Variants in SH3PXD2B observed in about 807,000 individuals in gnomAD.
SH3PXD2B encodes SH3 and PX domains 2B.
SH3PXD2B carries 37 observed loss-of-function variants against 73.1 expected under a neutral mutation model. The ratio of observed to expected loss-of-function variants is 0.51; its 90% CI spans 0.39 to 0.67. The LOEUF (loss-of-function observed/expected upper bound fraction) is 0.67. Among genes scored for constraint, SH3PXD2B ranks in the 30% least tolerant of loss-of-function variants. SH3PXD2B has a pLI of 0.00. For missense variants in SH3PXD2B, 1,053 were observed against 1,197.8 expected (o/e 0.88, Z 1.78); for synonymous variants, 457 against 480.5 (o/e 0.95, Z 0.64).
At chr5:172,362,138 A>C (rs940870976) in intron 7 of SH3PXD2B, among the ~76,000 whole-genome samples, 1 of 152,218 alleles carries the variant, frequency 6.6e-6, no homozygotes, top group African/African-American at 2.4e-5. Flanking sequence ...TATCTCACTT[A>C]ATCTTTACAA....
At chr5:172,326,886 T>C (rs1197703236) in intron 12 of SH3PXD2B, among the ~76,000 whole-genome samples, 1 of 146,102 alleles carries the variant, frequency 6.8e-6, no homozygotes, top group Non-Finnish European at 1.5e-5. Flanking sequence ...CGACAGAGTC[T>C]CACTCTGTCG....
downstream of SH3PXD2B, among the ~76,000 whole-genome samples, chr5:172,329,832 C>T (rs865968383): frequency 2.0e-5 from 3 of 152,000 alleles, no homozygotes; most frequent in Admixed American, 6.6e-5. Context: ...CCACTGTGCC[C>T]GGCCAGCCTC....
At chr5:172,377,110 C>T (rs1288843467) in intron 5 of SH3PXD2B, among the ~76,000 whole-genome samples, 1 of 152,216 alleles carries the variant, frequency 6.6e-6, no homozygotes, top group Non-Finnish European at 1.5e-5. Flanking sequence ...TCCACTGTCC[C>T]AGCCAGAGCA....
At chr5:172,416,696 C>CTTTTTTTTT (rs202242720) in intron 2 of SH3PXD2B, among the ~76,000 whole-genome samples, 3 of 62,250 alleles carry the variant, frequency 4.8e-5, no homozygotes, top group Non-Finnish European at 9.2e-5. Context: ...CTCTCTCTCT[C>CTTTTTTTTT]TTTTTTTTTT....
At chr5:172,414,781 T>G (rs973950612) in intron 2 of SH3PXD2B, among the ~76,000 whole-genome samples, 1 of 152,208 alleles carries the variant, frequency 6.6e-6, no homozygotes, top group Non-Finnish European at 1.5e-5. Context: ...CGAGGGCTCC[T>G]TCACGGGCAG....
chr5:172,438,119 T>C (rs1406835861), intron 1 of SH3PXD2B, among the ~76,000 whole-genome samples: 1 of 152,140 alleles, frequency 6.6e-6, no homozygotes, highest in Admixed American at 6.5e-5. Context: ...TGGCTTTCTC[T>C]TGCCTCCAGG....
At chr5:172,370,220 G>A (rs1344476738) in intron 6 of SH3PXD2B, among the ~76,000 whole-genome samples, 1 of 152,098 alleles carries the variant, frequency 6.6e-6, no homozygotes, top group Admixed American at 6.5e-5. Context: ...TTGACTATAA[G>A]TAGAAAGAAG....
At chr5:172,454,167 GGGA>G in intron 1 of SH3PXD2B, 108 bp downstream of exon 1, 1 of 780,766 alleles carries the variant, frequency 1.3e-6, no homozygotes, top group African/African-American at 1.8e-5. Flanking sequence ...GGGAGAGCAG[GGGA>G]GGAGGGGACG....
intron 2 of SH3PXD2B, among the ~76,000 whole-genome samples, chr5:172,407,668 C>T (rs1321186779): frequency 6.6e-6 from 1 of 152,168 alleles, no homozygotes; most frequent in Non-Finnish European, 1.5e-5. Flanking sequence ...GAGATCTGTC[C>T]CTCTCATGGA....
At chr5:172,429,212 C>A (rs1241404746) in intron 1 of SH3PXD2B, among the ~76,000 whole-genome samples, 3 of 152,164 alleles carry the variant, frequency 2.0e-5, no homozygotes, top group African/African-American at 7.2e-5. Flanking sequence ...CCTTGGCAGG[C>A]CTTTGGTCTG....
In SH3PXD2B at chr5:172,339,708, G is replaced by A. The variant is rs530268917; in HGVS notation, c.1397C>T (p.Pro466Leu). The change falls in exon 13 of 13, where the codon CCC becomes CTC. Residue 466 changes from proline (P) to leucine (L), a missense_variant. Around this residue, in one of 2 missense-constraint regions of SH3PXD2B, gnomAD observed 587 missense variants for 590.7 expected, o/e 0.99. Transcript: ENST00000311601. This position sits in a 1 kb window ranked among gnomAD's most constrained non-coding sequence, Gnocchi z 6.1. ...ENNTGSEATG[P>L]SRPLPDAPHG... ...CGGTGCGTCAGGCAGGGGCCGGGAG[G>A]GGCCCGTGGCTTCGCTGCCCGTGTT... 5.0e-6 allele frequency: 8 copies of A among 1,614,222 alleles called. No homozygotes were observed. The South Asian group carries it at 7.7e-5, about 16-fold the overall frequency.
chr5:172,425,187 T>C (rs1161056514), intron 1 of SH3PXD2B, among the ~76,000 whole-genome samples: 1 of 152,128 alleles, frequency 6.6e-6, no homozygotes, highest in Non-Finnish European at 1.5e-5. Flanking sequence ...GACTCCAGCA[T>C]GGAGATTTTG....
At chr5:172,374,827 A>G (rs902760874) in intron 5 of SH3PXD2B, among the ~76,000 whole-genome samples, 12 of 152,202 alleles carry the variant, frequency 7.9e-5, no homozygotes, top group African/African-American at 2.9e-4. Context: ...ATTAGCTAAT[A>G]TTATTAAATG....
intron 2 of SH3PXD2B, among the ~76,000 whole-genome samples, chr5:172,414,018 C>G (rs1048301765): frequency 6.6e-6 from 1 of 152,198 alleles, no homozygotes; most frequent in Non-Finnish European, 1.5e-5. Flanking sequence ...TCTGCCATCC[C>G]CTAGACCTGT....
intron 4 of SH3PXD2B, among the ~76,000 whole-genome samples, chr5:172,392,028 T>A (rs1758202154): frequency 6.6e-6 from 1 of 151,906 alleles, no homozygotes; most frequent in Non-Finnish European, 1.5e-5. Flanking sequence ...CATTTTGAGA[T>A]AAGGGTCTAA....
intron 4 of SH3PXD2B, 59 bp downstream of exon 4, chr5:172,394,504 A>G (rs1386810941): frequency 6.4e-7 from 1 of 1,571,088 alleles, no homozygotes; most frequent in African/African-American, 1.3e-5. Flanking sequence ...TAGCCAGAAA[A>G]AGAAAAGAAA....
chr5:172,404,921 G>A (rs964711236), intron 3 of SH3PXD2B, among the ~76,000 whole-genome samples: 6 of 152,162 alleles, frequency 3.9e-5, no homozygotes, highest in African/African-American at 4.8e-5. Context: ...CTGTGCAAGC[G>A]CCCATAGGTT....
rs143235507 is a variant in SH3PXD2B at position 172,384,566 on chromosome 5, T to C, written c.310-2439A>G. On this transcript the variant is annotated intron_variant, in intron 4 of 12. Coordinates refer to ENST00000311601, the MANE Select transcript of SH3PXD2B (RefSeq NM_001017995.3). The stretch of plus-strand genomic sequence containing the variant: ...ACCATTCTACTTCTGTCTCTAGGGA[T>C]TGATGATTCCAGGTAGCTCATATAA... 1.9e-3 allele frequency among the ~76,000 whole-genome samples: 292 copies of C among 152,272 alleles called. 1 individual carries two copies. The highest frequency in any genetic ancestry group is 6.8e-3 in the African/African-American group (282 of 41,548).
chr5:172,369,544 C>A (rs369714207), intron 6 of SH3PXD2B, among the ~76,000 whole-genome samples: 1 of 151,916 alleles, frequency 6.6e-6, no homozygotes. Flanking sequence ...CCGAGGTGGG[C>A]GGATCATGAG....
Sources: allele counts gnomAD v4.1 joint callset (sites outside exome capture counted in the v4.1 genomes callset), GRCh38; gene constraint gnomAD v4.1.1; regional missense constraint gnomAD v4.1.1; non-coding constraint Gnocchi (gnomAD v3.1); transcripts MANE v1.5; gene names NCBI Gene and HGNC (gene_info 2026-07-23, HGNC 2026-07-21).